Variants in INSR observed in about 807,000 individuals in gnomAD.
INSR encodes IR.
A neutral mutation model predicts 142.6 loss-of-function variants in INSR; 67 were observed. The ratio of observed to expected loss-of-function variants is 0.47; its 90% confidence interval spans 0.39 to 0.58. The LOEUF is 0.58. Among genes scored for constraint, INSR ranks in the 20% least tolerant of loss-of-function variants. INSR has a pLI of 0.00. For synonymous variants in INSR, 756 were observed against 743.1 expected (o/e 1.02, Z -0.28); for missense variants, 1,248 against 1,833.2 (o/e 0.68, Z 5.83).
At chr19:7,212,330 A>G (rs1975299994) in intron 2 of INSR, among the ~76,000 whole-genome samples, 1 of 152,090 alleles carries the variant, frequency 6.6e-6, no homozygotes, top group Non-Finnish European at 1.5e-5. Flanking sequence ...CCAGCACCCC[A>G]TTCCCCTGGC....
chr19:7,135,319 T>C (rs1485306472), intron 13 of INSR, among the ~76,000 whole-genome samples: 1 of 130,680 alleles, frequency 7.7e-6, no homozygotes, highest in Non-Finnish European at 1.6e-5. Context: ...TTTTTTTTTT[T>C]TTTTTTTTTT....
chr19:7,125,156 G>T lies in INSR; in HGVS notation c.3258+127C>A. The T allele has an allele frequency of 2.7e-6, 3 of 1,122,504 alleles. No homozygotes were observed. The highest frequency in any genetic ancestry group is 3.9e-6 in the Non-Finnish European group (3 of 760,416). 69.5% of individuals were successfully genotyped at this position (1,122,504 alleles called of 1,614,324 possible). On this transcript the variant is annotated intron_variant, in intron 17 of 21. Transcript: ENST00000302850. The surrounding 1 kb of genome is among the most constrained non-coding windows in gnomAD (Gnocchi z 4.9). ...CCTCCTCACACCTCTAGGATGGGAA[G>T]CTTAGTGGAGTGAGGGGTGGGTAGG...
chr19:7,225,664 GC>G lies in INSR; in HGVS notation c.653-41028del, dbSNP rs1230644015. Among the ~76,000 whole-genome samples, 2 of 151,780 alleles carry G rather than the reference GC, an allele frequency of 1.3e-5. No homozygotes were observed. Among genetic ancestry groups the G allele is most frequent in the African/African-American group, 4.8e-5 (2 of 41,254 alleles). On this transcript the variant is annotated intron_variant, in intron 2 of 21. Coordinates refer to ENST00000302850, the MANE Select transcript of INSR (RefSeq NM_000208.4). This position sits in a 1 kb window ranked among gnomAD's most constrained non-coding sequence, Gnocchi z 4.7. ...TAGCATGGCAGTGTCAAACCACAGA[GC>G]CACGAGGCTGATGATGGGCTCTTGG...
chr19:7,194,746 C>A (rs1018998800), intron 2 of INSR, among the ~76,000 whole-genome samples: 3 of 149,426 alleles, frequency 2.0e-5, no homozygotes, highest in Admixed American at 6.7e-5. Flanking sequence ...GTCTCAAACA[C>A]GTGACCTCCG....
At chr19:7,252,007 C>T (rs1351356658) in intron 2 of INSR, among the ~76,000 whole-genome samples, 1 of 152,142 alleles carries the variant, frequency 6.6e-6, no homozygotes, top group Admixed American at 6.5e-5. Context: ...GGTGCGGTGG[C>T]TCACGCCTGT....
chr19:7,260,180 T>C (rs974045428), intron 2 of INSR, among the ~76,000 whole-genome samples: 2 of 152,116 alleles, frequency 1.3e-5, no homozygotes, highest in African/African-American at 4.8e-5. Context: ...TACCACACTT[T>C]GAGAGACTTT....
chr19:7,149,857 A>C (rs1973281949), intron 11 of INSR, among the ~76,000 whole-genome samples: 1 of 150,020 alleles, frequency 6.7e-6, no homozygotes, highest in South Asian at 2.1e-4. Flanking sequence ...GAAGGGAGGG[A>C]GGGACGGACG....
Position 7,166,441 on chromosome 19 carries a change from C to T in INSR, c.1611-37G>A. On this transcript the variant is annotated intron_variant, in intron 7 of 21. Transcript: ENST00000302850. The surrounding 1 kb of genome is among the most constrained non-coding windows in gnomAD (Gnocchi z 4.1). ...AAACAGCAGAAGGCAGTTACCCTTA[C>T]AAGACCGTCACACTGAGTGCCGTGC... The T allele has an allele frequency of 1.2e-6, 2 of 1,609,596 alleles. No homozygotes were observed. Among genetic ancestry groups the T allele is most frequent in the South Asian group, 1.1e-5 (1 of 90,556 alleles).
At chr19:7,239,079 A>T (rs1976257806) in intron 2 of INSR, among the ~76,000 whole-genome samples, 1 of 152,128 alleles carries the variant, frequency 6.6e-6, no homozygotes, top group Non-Finnish European at 1.5e-5. Context: ...ATATCCAAAC[A>T]TCAGCATCTC....
At chr19:7,177,344 G>A (rs1974156531) in intron 3 of INSR, among the ~76,000 whole-genome samples, 1 of 152,146 alleles carries the variant, frequency 6.6e-6, no homozygotes, top group African/African-American at 2.4e-5. Context: ...GGTGAAGGGT[G>A]AGGGAGAAGC....
intron 2 of INSR, among the ~76,000 whole-genome samples, chr19:7,221,403 AGGAAAGAAG>A (rs1346063200): frequency 7.1e-6 from 1 of 141,100 alleles, no homozygotes; most frequent in Non-Finnish European, 1.5e-5. Context: ...GAGGAGGAGG[AGGAAAGAAG>A]AAGAAGAAGA....
chr19:7,270,106 C>T (rs180787165), intron 1 of INSR, among the ~76,000 whole-genome samples: 6 of 152,084 alleles, frequency 3.9e-5, no homozygotes, highest in African/African-American at 7.2e-5. Context: ...TCCAACACCA[C>T]GCCCAGCTAA....
intron 13 of INSR, among the ~76,000 whole-genome samples, chr19:7,132,614 G>A (rs962047319): frequency 2.1e-5 from 3 of 141,754 alleles, no homozygotes; most frequent in Non-Finnish European, 4.7e-5. Flanking sequence ...TTTTCCAGAC[G>A]GAGTTTCACT....
intron 19 of INSR, 36 bp from the exon 20 acceptor site, chr19:7,120,785 C>T (rs758264537): frequency 3.1e-6 from 5 of 1,609,994 alleles, no homozygotes; most frequent in Non-Finnish European, 3.4e-6. Context: ...TCTTAACCTT[C>T]AGCCTTGGTC....
intron 2 of INSR, among the ~76,000 whole-genome samples, chr19:7,255,266 C>T (rs1049433541): frequency 3.3e-5 from 5 of 152,088 alleles, no homozygotes; most frequent in Admixed American, 1.3e-4. Flanking sequence ...ACTTCGGGGA[C>T]GCAACAAAAA....
At chr19:7,197,998 T>TCC (rs1974832518) in intron 2 of INSR, among the ~76,000 whole-genome samples, 3 of 133,944 alleles carry the variant, frequency 2.2e-5, no homozygotes, top group Non-Finnish European at 5.0e-5. Flanking sequence ...TGTGTGTGTG[T>TCC]CCATGGTGGG....
intron 1 of INSR, among the ~76,000 whole-genome samples, chr19:7,271,527 C>A (rs920885236): frequency 6.6e-6 from 1 of 151,888 alleles, no homozygotes; most frequent in African/African-American, 2.4e-5. Context: ...AAACTGGTAT[C>A]CTTTTGCATT....
intron 3 of INSR, among the ~76,000 whole-genome samples, chr19:7,178,017 G>A (rs1974179558): frequency 6.6e-6 from 1 of 151,966 alleles, no homozygotes; most frequent in South Asian, 2.1e-4. Context: ...AATTTTATCC[G>A]TTGCTACAAG....
chr19:7,207,071 A>T lies in INSR; in HGVS notation c.653-22434T>A, dbSNP rs77246413. Among the ~76,000 whole-genome samples, 252 of 152,280 alleles carry T rather than the reference A, an allele frequency of 1.7e-3. 4 individuals are homozygous for T. The East Asian group carries it at 0.038, about 23-fold the overall frequency. On this transcript the variant is annotated intron_variant, in intron 2 of 21. Transcript: ENST00000302850. ...TGAGGCCTGTGATTATAGAATGCCG[A>T]GAATGATTGGGAACTTGAACCACCA... is the stretch of plus-strand genomic sequence containing the variant.
Sources: allele counts gnomAD v4.1 joint callset (sites outside exome capture counted in the v4.1 genomes callset), GRCh38; gene constraint gnomAD v4.1.1; non-coding constraint Gnocchi (gnomAD v3.1); transcripts MANE v1.5; gene names NCBI Gene and HGNC (gene_info 2026-07-23, HGNC 2026-07-21).